The following MGA variants were observed in gnomAD, a reference collection of about 807,000 sequenced individuals.
MGA encodes MAX gene-associated protein.
In MGA, 40 loss-of-function variants were observed where a neutral mutation model predicts 261.1. That is an observed-to-expected ratio of 0.15 (90% CI 0.12 to 0.20). MGA has a LOEUF of 0.20. MGA is among the 10% of genes least tolerant of loss of function. MGA has a pLI of 1.00. For synonymous variants in MGA, 1,302 were observed against 1,290.6 expected (o/e 1.01, Z -0.19); for missense variants, 3,397 against 3,630.5 (o/e 0.94, Z 1.65).
At chr15:41,734,427 A>T in intron 11 of MGA, 95 bp from the exon 12 acceptor site, 1 of 962,840 alleles carries the variant, frequency 1.0e-6, no homozygotes, top group South Asian at 1.5e-5. Context: ...CTAATGATTT[A>T]AACTTCTGTG....
Position 41,760,501 on chromosome 15 carries a change from A to G in MGA, c.7370A>G (p.Lys2457Arg), listed in dbSNP as rs961753140. Reference sequence around the variant, plus strand: ...ACATTGGGATTACTTCATTCTTCCAAGGTTTCCAAAAGTCTCATTCTTACT... The same window carrying G: ...ACATTGGGATTACTTCATTCTTCCAGGGTTTCCAAAAGTCTCATTCTTACT... Residue 2457 changes from lysine (K) to arginine (R), a missense_variant, in exon 20 of 24, where the codon AAG (lysine) becomes AGG (arginine). Lys to Arg is a conservative substitution (Grantham distance 26, BLOSUM62 2). Coordinates refer to ENST00000219905, the MANE Select transcript of MGA (RefSeq NM_001164273.2). 1 of 1,613,904 alleles carries G rather than the reference A, an allele frequency of 6.2e-7. No individual in the cohort carries two copies. Among genetic ancestry groups the G allele is most frequent in the Non-Finnish European group, 8.5e-7 (1 of 1,179,898 alleles).
chr15:41,713,311 G>A lies in MGA; in HGVS notation c.3245G>A (p.Cys1082Tyr). 6.2e-7 allele frequency: 1 copy of A among 1,613,934 alleles called. No individual in the cohort carries two copies. Among genetic ancestry groups the A allele is most frequent in the Non-Finnish European group, 8.5e-7 (1 of 1,179,896 alleles). ...CCAGACTGCATGTTTGGTTGTACTT[G>A]TTTGAAAAGAAAAGTTGTACTTGTT... The change falls in exon 9 of 24, where the codon TGT (cysteine) becomes TAT (tyrosine). Residue 1082 changes from cysteine to tyrosine, a missense_variant. Coordinates refer to ENST00000219905, the MANE Select transcript of MGA (RefSeq NM_001164273.2).
upstream of MGA, among the ~76,000 whole-genome samples, chr15:41,656,255 AGGCAAG>A: frequency 6.6e-6 from 1 of 151,848 alleles, no homozygotes; most frequent in Admixed American, 6.6e-5. Flanking sequence ...CAATCTTCTT[AGGCAAG>A]GGTGAGGAAC....
upstream of MGA, among the ~76,000 whole-genome samples, chr15:41,656,837 C>G (rs548011832): frequency 6.6e-6 from 1 of 152,232 alleles, no homozygotes; most frequent in South Asian, 2.1e-4. Flanking sequence ...AGTGCAGTGG[C>G]ACAATCACAG....
chr15:41,749,891 A>G lies in MGA; in HGVS notation c.6284A>G (p.Asn2095Ser). Residue 2095 changes from asparagine (N) to serine (S), a missense_variant, in exon 17 of 24, where the codon AAT (asparagine) becomes AGT (serine). Asn to Ser is a conservative substitution (Grantham distance 46). Coordinates refer to ENST00000219905, the MANE Select transcript of MGA (RefSeq NM_001164273.2). ...AGGACCATTTCTGAAAAAGCCAGTA[A>G]TAAGACAGTCCAAAATTTAAGTAAA... The G allele has an allele frequency of 3.1e-6, 5 of 1,613,998 alleles. No individual in the cohort carries two copies. The highest frequency in any genetic ancestry group is 4.2e-6 in the Non-Finnish European group (5 of 1,179,892).
Position 41,709,312 on chromosome 15 carries a change from C to T in MGA, c.2425+1104C>T, listed in dbSNP as rs142637708. On this transcript the variant is annotated intron_variant, in intron 7 of 23. Transcript: ENST00000219905. Reference sequence around the variant, plus strand: ...GCAGTGAGCCAAGATCACACCACTGCACTCCAGCCGGAGTGACAGAGCGAG... The same window carrying T: ...GCAGTGAGCCAAGATCACACCACTGTACTCCAGCCGGAGTGACAGAGCGAG... Among the ~76,000 whole-genome samples, 859 of 152,194 alleles carry T rather than the reference C, an allele frequency of 5.6e-3. 8 individuals are homozygous for T. Among genetic ancestry groups the T allele is most frequent in the African/African-American group, 0.02 (829 of 41,530 alleles).
chr15:41,686,536 A>AT (rs2058981137), intron 2 of MGA, among the ~76,000 whole-genome samples: 6 of 152,070 alleles, frequency 3.9e-5, no homozygotes, highest in African/African-American at 1.4e-4. Flanking sequence ...TTAAAAAAAA[A>AT]ATTTTTTTTT....
At chr15:41,627,689 T>A (rs937825892) in intron 1 of MGA, among the ~76,000 whole-genome samples, 1 of 152,208 alleles carries the variant, frequency 6.6e-6, no homozygotes, top group African/African-American at 2.4e-5. Context: ...AGCCTAATAA[T>A]ACAGAAAAAG....
intron 9 of MGA, among the ~76,000 whole-genome samples, chr15:41,726,848 C>T (rs2151680601): frequency 6.6e-6 from 1 of 152,062 alleles, no homozygotes; most frequent in African/African-American, 2.4e-5. Flanking sequence ...CATGGCTTAC[C>T]ATTACTTGAT....
intron 3 of MGA, among the ~76,000 whole-genome samples, chr15:41,697,423 T>C (rs1034918276): frequency 1.3e-5 from 2 of 149,746 alleles, no homozygotes; most frequent in Admixed American, 6.6e-5. Flanking sequence ...CTTTTCTTTT[T>C]TTTTTTTTTT....
chr15:41,711,833 C>G (rs1295567123), intron 8 of MGA, among the ~76,000 whole-genome samples: 1 of 152,030 alleles, frequency 6.6e-6, no homozygotes, highest in African/African-American at 2.4e-5. Flanking sequence ...GTAGCTGGGA[C>G]TATAGGCACA....
Position 41,727,326 on chromosome 15 carries a change from G to C in MGA, c.3577G>C (p.Val1193Leu), listed in dbSNP as rs1344503846. 7 of 1,613,866 alleles carry C rather than the reference G, an allele frequency of 4.3e-6. No homozygotes were observed. In the African/African-American group the frequency reaches 9.3e-5, roughly 22 times the overall value. Reference sequence around the variant, plus strand: ...ACCATTGTTATTGCCTCAGCCAGAAGTTTTATCTCCTACTGTGAAGGGCAA... The same window carrying C: ...ACCATTGTTATTGCCTCAGCCAGAACTTTTATCTCCTACTGTGAAGGGCAA... The change falls in exon 10 of 24, where the codon GTT (valine) becomes CTT (leucine). Residue 1193 changes from valine (V) to leucine (L), a missense_variant. Physicochemically the swap from Val to Leu is conservative, Grantham distance 32 (BLOSUM62 1). This residue lies in a region of MGA where 519 missense variants were observed against 554.1 expected (regional missense o/e 0.94). Coordinates refer to ENST00000219905, the MANE Select transcript of MGA (RefSeq NM_001164273.2).
At chr15:41,701,224 C>T (rs961756325) in intron 5 of MGA, among the ~76,000 whole-genome samples, 2 of 151,972 alleles carry the variant, frequency 1.3e-5, no homozygotes, top group Non-Finnish European at 2.9e-5. Context: ...TTAACTTAAC[C>T]TGTCTTCTCC....
Position 41,696,401 on chromosome 15 carries a change from G to T in MGA, c.1391G>T (p.Gly464Val). 1 of 1,613,932 alleles carries T rather than the reference G, an allele frequency of 6.2e-7. No individual in the cohort carries two copies. Among genetic ancestry groups the T allele is most frequent in the Non-Finnish European group, 8.5e-7 (1 of 1,179,886 alleles). ...GCTAAAATGTTCAAATTAGACACTG[G>T]AAAGATGCCAGTAGTCTATCTGGAG... Residue 464 changes from glycine (G) to valine (V), a missense_variant, in exon 3 of 24, where the codon GGA (glycine) becomes GTA (valine). Coordinates refer to ENST00000219905, the MANE Select transcript of MGA (RefSeq NM_001164273.2).
At chr15:41,683,176 T>G (rs530149256) in intron 2 of MGA, among the ~76,000 whole-genome samples, 2 of 152,152 alleles carry the variant, frequency 1.3e-5, no homozygotes, top group Admixed American at 1.3e-4. Flanking sequence ...TTATGAAATT[T>G]CAGTTATAAA....
At chr15:41,663,672 T>C (rs2057553279) in intron 1 of MGA, among the ~76,000 whole-genome samples, 1 of 152,076 alleles carries the variant, frequency 6.6e-6, no homozygotes, top group African/African-American at 2.4e-5. Context: ...GGTTTTGTCA[T>C]GTTGGCCAGG....
At chr15:41,683,208 CT>C (rs1475225266) in intron 2 of MGA, among the ~76,000 whole-genome samples, 3 of 151,998 alleles carry the variant, frequency 2.0e-5, no homozygotes, top group Non-Finnish European at 4.4e-5. Flanking sequence ...TGGTTCTCAT[CT>C]TTGTACTGTG....
chr15:41,684,247 G>A (rs2058827717), intron 2 of MGA: 2 of 285,650 alleles, frequency 7.0e-6, no homozygotes, highest in South Asian at 3.2e-5. Flanking sequence ...TTTATCATGA[G>A]TATTTAAAAC....
intron 9 of MGA, among the ~76,000 whole-genome samples, chr15:41,714,267 C>T (rs1039332215): frequency 6.6e-6 from 1 of 152,198 alleles, no homozygotes; most frequent in African/African-American, 2.4e-5. Context: ...CTGCTTTCCA[C>T]ATCAACAATT....
Sources: gnomAD v4.1 joint callset for allele counts (sites outside exome capture counted in the v4.1 genomes callset) on GRCh38, gnomAD v4.1.1 for gene constraint, gnomAD v4.1.1 regional missense constraint, MANE v1.5 for transcripts, NCBI Gene and HGNC (gene_info 2026-07-23, HGNC 2026-07-21) for gene names.